ATP11B: variants seen among roughly 807,000 people sequenced by gnomAD.
ATP11B encodes the protein phospholipid-transporting ATPase IF.
In ATP11B, 81 loss-of-function variants were observed where a neutral mutation model predicts 157.8. That is an observed-to-expected ratio of 0.51 (90% CI 0.43 to 0.62). The LOEUF (loss-of-function observed/expected upper bound fraction) is 0.62. ATP11B is among the 20% of genes least tolerant of loss of function. ATP11B has a pLI of 0.00. For missense variants in ATP11B, 1,165 were observed against 1,402.2 expected (o/e 0.83, Z 2.70); for synonymous variants, 451 against 469.4 (o/e 0.96, Z 0.51).
chr3:182,847,912 A>G (rs1321925844), intron 9 of ATP11B, among the ~76,000 whole-genome samples: 2 of 152,216 alleles, frequency 1.3e-5, no homozygotes, highest in African/African-American at 4.8e-5. Context: ...TCCCATTACT[A>G]CTGTCATCCT....
rs1479315863 is a variant in ATP11B at position 182,921,210 on chromosome 3, A to G, written c.*3106A>G. 4 of 152,222 alleles carry G rather than the reference A, an allele frequency of 2.6e-5. No homozygotes were observed. Among genetic ancestry groups the G allele is most frequent in the Non-Finnish European group, 5.9e-5 (4 of 68,032 alleles). The allele number at this position is 152,222 out of a possible 1,614,324, so 9.4% of individuals were successfully genotyped here. On this transcript the variant is annotated 3_prime_UTR_variant, in exon 30 of 30. Coordinates refer to ENST00000323116, the MANE Select transcript of ATP11B (RefSeq NM_014616.3). ...GATCAGTTTGGGGTATGATATAAGC[A>G]GGTATTAATAAAAATAACACACCAA...
chr3:182,884,194 A>T (rs571499472), intron 21 of ATP11B, among the ~76,000 whole-genome samples: 29 of 152,202 alleles, frequency 1.9e-4, no homozygotes, highest in African/African-American at 6.7e-4. Flanking sequence ...AAAAGTATTC[A>T]TATTTATCAG....
In ATP11B at chr3:182,848,571, T is replaced by C. The variant is rs780251600; in HGVS notation, c.851+14T>C. On this transcript the variant is annotated intron_variant, in intron 10 of 29. Transcript: ENST00000323116. Reference sequence around the variant, plus strand: ...TGCAGTAGAAAAGTAAGAAAACTGTTTTCATTTATTTATATGTAATTATAA... The same window carrying C: ...TGCAGTAGAAAAGTAAGAAAACTGTCTTCATTTATTTATATGTAATTATAA... 1.4e-6 allele frequency: 2 copies of C among 1,459,542 alleles called. No individual in the cohort carries two copies. The highest frequency in any genetic ancestry group is 2.4e-5 in the East Asian group (1 of 40,956). 90.4% of individuals were successfully genotyped at this position (1,459,542 alleles called of 1,614,324 possible). A position where few individuals can be genotyped will look rare whatever the true frequency, so the allele number is the denominator to read the frequency against.
intron 25 of ATP11B, among the ~76,000 whole-genome samples, chr3:182,893,110 A>G (rs968662457): frequency 6.6e-6 from 1 of 152,238 alleles, no homozygotes; most frequent in African/African-American, 2.4e-5. Flanking sequence ...TTGTCTTACC[A>G]TGGACATTTG....
intron 2 of ATP11B, among the ~76,000 whole-genome samples, chr3:182,827,472 A>C (rs1004314922): frequency 6.6e-6 from 1 of 152,066 alleles, no homozygotes; most frequent in Non-Finnish European, 1.5e-5. Flanking sequence ...AGTATTACAA[A>C]TTAAGATTTG....
intron 25 of ATP11B, among the ~76,000 whole-genome samples, chr3:182,892,919 ATAATGT>A (rs1723271079): frequency 6.6e-6 from 1 of 152,212 alleles, no homozygotes; most frequent in African/African-American, 2.4e-5. Context: ...GAGAGCAAAA[ATAATGT>A]TAATGAGAAG....
chr3:182,906,789 A>AG (rs1350604035), intron 28 of ATP11B, among the ~76,000 whole-genome samples: 3 of 110,958 alleles, frequency 2.7e-5, no homozygotes, highest in South Asian at 5.9e-4. Context: ...AAAAAAAAAA[A>AG]AAGAAGAAGA....
intron 12 of ATP11B, among the ~76,000 whole-genome samples, chr3:182,864,988 G>A (rs912061530): frequency 2.8e-4 from 43 of 151,470 alleles, no homozygotes; most frequent in African/African-American, 9.7e-4. Flanking sequence ...TAGACAATTC[G>A]CACCTCTAAC....
intron 25 of ATP11B, 142 bp from the exon 26 acceptor site, chr3:182,896,558 A>C: frequency 1.5e-6 from 1 of 662,632 alleles, no homozygotes. Context: ...TCATACTTTT[A>C]ACTTTATGAG....
chr3:182,883,954 CAAAAAAA>C (rs1170838231), intron 21 of ATP11B, among the ~76,000 whole-genome samples: 6 of 63,416 alleles, frequency 9.5e-5, no homozygotes, highest in Admixed American at 6.4e-4. Context: ...GACTCCGTCT[CAAAAAAA>C]AAAAAAAAAA....
chr3:182,829,579 A>G, intron 3 of ATP11B, 93 bp from the exon 4 acceptor site: 1 of 875,140 alleles, frequency 1.1e-6, no homozygotes, highest in Non-Finnish European at 1.8e-6. Flanking sequence ...GAACTAAAGT[A>G]TACTCACTGT....
rs767561810 is a variant in ATP11B, at chr3:182,842,070, G to T, written c.657-5G>T. On this transcript the variant is annotated splice_polypyrimidine_tract_variant and splice_region_variant and intron_variant, in intron 7 of 29. Transcript: ENST00000323116. ...TATGTTTTTGTAATGTGAATTTTTT[G>T]ATAGATTCATGGGACGAATGATCAT... 7 of 1,566,022 alleles carry T rather than the reference G, an allele frequency of 4.5e-6. No homozygotes were observed. Among genetic ancestry groups the T allele is most frequent in the African/African-American group, 2.7e-5 (2 of 72,986 alleles).
At chr3:182,850,577 A>G (rs539049511) in intron 10 of ATP11B, among the ~76,000 whole-genome samples, 2 of 152,196 alleles carry the variant, frequency 1.3e-5, no homozygotes, top group Non-Finnish European at 2.9e-5. Context: ...AAATAAATAA[A>G]TAAATAACAG....
chr3:182,828,744 A>G (rs1436433019), intron 3 of ATP11B, among the ~76,000 whole-genome samples: 1 of 151,206 alleles, frequency 6.6e-6, no homozygotes, highest in Non-Finnish European at 1.5e-5. Context: ...ATAGGCTGTT[A>G]GACAGTTTCT....
At chr3:182,842,041 A>G in intron 7 of ATP11B, 34 bp from the exon 8 acceptor site, 4 of 1,371,156 alleles carry the variant, frequency 2.9e-6, no homozygotes, top group African/African-American at 2.9e-5. Context: ...CATAAGTGAT[A>G]TTATATGTTT....
chr3:182,881,239 A>C (rs1466011029), intron 21 of ATP11B, among the ~76,000 whole-genome samples: 1 of 152,014 alleles, frequency 6.6e-6, no homozygotes, highest in Non-Finnish European at 1.5e-5. Context: ...TTCGAGACCA[A>C]CCTGACCAAC....
intron 28 of ATP11B, among the ~76,000 whole-genome samples, chr3:182,906,692 C>T (rs1724378250): frequency 6.6e-6 from 1 of 152,006 alleles, no homozygotes; most frequent in Non-Finnish European, 1.5e-5. Flanking sequence ...CTCAAGCGAT[C>T]TACCTGCCTC....
At chr3:182,898,496 T>A (rs978209532) in intron 27 of ATP11B, 111 bp from the exon 28 acceptor site, 6 of 731,868 alleles carry the variant, frequency 8.2e-6, no homozygotes, top group Non-Finnish European at 1.2e-5. Context: ...ATTTCAGTTT[T>A]GAACATTTTC....
intron 28 of ATP11B, among the ~76,000 whole-genome samples, chr3:182,900,826 G>C (rs1222471158): frequency 2.0e-5 from 3 of 151,358 alleles, no homozygotes; most frequent in Non-Finnish European, 4.4e-5. Flanking sequence ...CGGGTGGATG[G>C]CTTGAGCTCA....
Sources: allele counts gnomAD v4.1 joint callset (sites outside exome capture counted in the v4.1 genomes callset), GRCh38; gene constraint gnomAD v4.1.1; transcripts MANE v1.5; gene names NCBI Gene and HGNC (gene_info 2026-07-23, HGNC 2026-07-21).